PCDHGA6: variants seen among roughly 807,000 people sequenced by gnomAD.
The protein encoded by PCDHGA6 is protocadherin gamma subfamily A, 6, also known as protocadherin gamma-A6.
A neutral mutation model predicts 60.6 loss-of-function variants in PCDHGA6; 41 were observed. The observed-to-expected ratio is 0.68, with a 90% CI of 0.53 to 0.88. PCDHGA6 has a LOEUF of 0.88. Ranked by LOEUF, PCDHGA6 falls within the 40% of genes least tolerant of loss-of-function variation. PCDHGA6 has a pLI of 0.00. For synonymous variants in PCDHGA6, 594 were observed against 524.4 expected (o/e 1.13, Z -1.81); for missense variants, 1,312 against 1,203.0 (o/e 1.09, Z -1.34).
Position 141,374,528 on chromosome 5 carries a change from T to A in PCDHGA6, c.445T>A (p.Ser149Thr), listed in dbSNP as rs759567011. Reference protein sequence around the residue: ...EVKILENAAPSSRFPLMEVYD... With the variant: ...EVKILENAAPTSRFPLMEVYD... ...GAAAATTCTCGAAAACGCAGCTCCA[T>A]CCTCTCGTTTTCCACTAATGGAGGT... Residue 149 changes from serine to threonine, a missense_variant, in exon 1 of 4, where the codon TCC becomes ACC. Coordinates refer to ENST00000517434, the MANE Select transcript of PCDHGA6 (RefSeq NM_018919.3). 6.2e-7 allele frequency: 1 copy of A among 1,613,048 alleles called. No individual in the cohort carries two copies.
intron 1 of PCDHGA6, among the ~76,000 whole-genome samples, chr5:141,445,320 A>G (rs1462989860): frequency 1.3e-5 from 2 of 152,188 alleles, no homozygotes; most frequent in Non-Finnish European, 2.9e-5. Flanking sequence ...GGTTGAGAGA[A>G]CCCATCCAGA....
At chr5:141,405,352 T>C (rs747137239) in intron 1 of PCDHGA6, 12 of 1,614,170 alleles carry the variant, frequency 7.4e-6, no homozygotes, top group Middle Eastern at 1.6e-4. Flanking sequence ...CCAAGTTTCC[T>C]ATAGAAGACA....
rs373297942 is a variant in PCDHGA6, at chr5:141,431,494, C to T, written c.2424+54987C>T. On this transcript the variant is annotated intron_variant, in intron 1 of 3. Coordinates refer to ENST00000517434, the MANE Select transcript of PCDHGA6 (RefSeq NM_018919.3). This position sits in a 1 kb window ranked among gnomAD's most constrained non-coding sequence, Gnocchi z 4.8. ...ACAACGCACCAGCGTTTGCTCAGCC[C>T]GAGTACCGCGCGAGCGTTCCGGAGA... 107 of 1,613,838 alleles carry T rather than the reference C, an allele frequency of 6.6e-5. No homozygotes were observed. Among genetic ancestry groups the T allele is most frequent in the Middle Eastern group, 1.6e-4 (1 of 6,084 alleles).
chr5:141,421,679 C>A, intron 1 of PCDHGA6: 1 of 1,613,810 alleles, frequency 6.2e-7, no homozygotes, highest in East Asian at 2.2e-5. Flanking sequence ...ATTCCTGGGG[C>A]GCGATTTGCT....
At chr5:141,399,833 C>A in intron 1 of PCDHGA6, 1 of 1,613,140 alleles carries the variant, frequency 6.2e-7, no homozygotes, top group Non-Finnish European at 8.5e-7. Context: ...GACGGCTCTG[C>A]GCTCTTCGAT....
chr5:141,398,740 CAG>C (rs759927246), intron 1 of PCDHGA6: 11 of 1,613,746 alleles, frequency 6.8e-6, no homozygotes, highest in Non-Finnish European at 1.7e-6. Context: ...CCGGGAACAA[CAG>C]AGTTACCATC....
chr5:141,473,262 G>T (rs905961411), intron 1 of PCDHGA6, among the ~76,000 whole-genome samples: 2 of 152,188 alleles, frequency 1.3e-5, no homozygotes, highest in Admixed American at 6.5e-5. Flanking sequence ...AGTCCTTAGT[G>T]TATGCTATGA....
intron 2 of PCDHGA6, among the ~76,000 whole-genome samples, chr5:141,495,644 A>G (rs767670166): frequency 5.3e-5 from 8 of 151,770 alleles, no homozygotes; most frequent in Non-Finnish European, 1.0e-4. Context: ...TCATTTGTCT[A>G]CTTGCATTGA....
chr5:141,385,104 G>A, intron 1 of PCDHGA6: 1 of 1,614,192 alleles, frequency 6.2e-7, no homozygotes, highest in Non-Finnish European at 8.5e-7. Flanking sequence ...TGGCGAACGT[G>A]CCCACCTCGC....
chr5:141,410,080 G>A (rs758499736), intron 1 of PCDHGA6: 2 of 1,612,672 alleles, frequency 1.2e-6, no homozygotes, highest in African/African-American at 2.7e-5. Context: ...CTGGGGAGGT[G>A]CGCACGGCTC....
At chr5:141,398,555 G>A in intron 1 of PCDHGA6, 1 of 1,613,934 alleles carries the variant, frequency 6.2e-7, no homozygotes, top group Non-Finnish European at 8.5e-7. Context: ...CTGCAAATAA[G>A]TGAGTCTGCA....
chr5:141,503,608 A>AAAAAAAG (rs1483073868), intron 2 of PCDHGA6, among the ~76,000 whole-genome samples: 1 of 151,994 alleles, frequency 6.6e-6, no homozygotes, highest in East Asian at 1.9e-4. Flanking sequence ...CAAAAAAAAA[A>AAAAAAAG]AAAAAAGAAA....
chr5:141,413,446 G>A, intron 1 of PCDHGA6: 1 of 1,614,130 alleles, frequency 6.2e-7, no homozygotes. Context: ...CTTGATCACC[G>A]CGGGCAGGAT....
Position 141,432,099 on chromosome 5 carries a change from A to G in PCDHGA6, c.2424+55592A>G. On this transcript the variant is annotated intron_variant, in intron 1 of 3. Transcript: ENST00000517434. This position sits in a 1 kb window ranked among gnomAD's most constrained non-coding sequence, Gnocchi z 6.0. ...TCGCTGAACGTGGCAGACACCAACG[A>G]CAACCCGCCGGTCTTCCCTCAGGCC... 6.2e-7 allele frequency: 1 copy of G among 1,614,102 alleles called. No homozygotes were observed. The highest frequency in any genetic ancestry group is 1.1e-5 in the South Asian group (1 of 91,070).
intron 1 of PCDHGA6, among the ~76,000 whole-genome samples, chr5:141,425,841 C>T (rs936781561): frequency 2.0e-5 from 3 of 152,190 alleles, no homozygotes; most frequent in African/African-American, 7.2e-5. Context: ...ATTCTCTTTG[C>T]TGGGTTAATG....
chr5:141,393,881 G>A (rs1003319572), intron 1 of PCDHGA6: 33 of 1,613,978 alleles, frequency 2.0e-5, no homozygotes, highest in Non-Finnish European at 2.8e-5. Context: ...TTAGCCCAGT[G>A]TTAGAAAATT....
chr5:141,424,087 A>C, intron 1 of PCDHGA6: 1 of 933,106 alleles, frequency 1.1e-6, no homozygotes, highest in Non-Finnish European at 1.3e-6. Flanking sequence ...TTCCACCATT[A>C]TTTGCTATTA....
intron 1 of PCDHGA6, among the ~76,000 whole-genome samples, chr5:141,439,050 A>G (rs1353548752): frequency 1.3e-5 from 2 of 151,164 alleles, no homozygotes; most frequent in Non-Finnish European, 2.9e-5. Flanking sequence ...TAAGATTTCC[A>G]TATTGTGTGG....
At position 141,481,719 on chromosome 5, in the gene PCDHGA6, G is replaced by A. The variant is rs1055207250; in HGVS notation, c.2425-13088G>A. On this transcript the variant is annotated intron_variant, in intron 1 of 3. Coordinates refer to ENST00000517434, the MANE Select transcript of PCDHGA6 (RefSeq NM_018919.3). ...CTGTAATCCCAGCACTTTGGGAGGC[G>A]GAGGCGGGCGGATCACGAGGTCAGG... 5.3e-5 allele frequency among the ~76,000 whole-genome samples: 8 copies of A among 151,716 alleles called. No homozygotes were observed. In the East Asian group the frequency reaches 9.7e-4, roughly 18 times the overall value.
Sources: gnomAD v4.1 joint callset for allele counts (sites outside exome capture counted in the v4.1 genomes callset) on GRCh38, gnomAD v4.1.1 for gene constraint, Gnocchi (gnomAD v3.1) non-coding constraint, MANE v1.5 for transcripts, NCBI Gene and HGNC (gene_info 2026-07-23, HGNC 2026-07-21) for gene names.